Variants in OLFML2B observed in about 807,000 individuals in gnomAD.
OLFML2B encodes olfactomedin-like protein 2B.
Under a neutral mutation model 74.9 loss-of-function variants are expected in OLFML2B, and 57 were observed. That is an observed-to-expected ratio of 0.76 (90% CI 0.61 to 0.95). OLFML2B has a LOEUF of 0.95. Ranked by LOEUF, OLFML2B falls within the 40% of genes least tolerant of loss-of-function variation. OLFML2B has a pLI of 0.00. For synonymous variants in OLFML2B, 388 were observed against 405.8 expected (o/e 0.96, Z 0.53); for missense variants, 986 against 970.6 (o/e 1.02, Z -0.21).
intron 4 of OLFML2B, among the ~76,000 whole-genome samples, chr1:162,000,771 T>C (rs1467292397): frequency 6.6e-6 from 1 of 152,138 alleles, no homozygotes; most frequent in African/African-American, 2.4e-5. Flanking sequence ...GTGAGATCCA[T>C]GTGAGGGGAA....
intron 6 of OLFML2B, among the ~76,000 whole-genome samples, chr1:161,987,016 C>T (rs937859591): frequency 2.0e-5 from 3 of 152,222 alleles, no homozygotes; most frequent in Admixed American, 1.3e-4. Flanking sequence ...TGCAGGGTTC[C>T]GTCTCACACC....
intron 1 of OLFML2B, among the ~76,000 whole-genome samples, chr1:162,022,560 C>G (rs59345375): frequency 0.042 from 6,428 of 152,226 alleles, 427 homozygotes; most frequent in African/African-American, 0.15. Flanking sequence ...ACCCATGTAT[C>G]TCTTATGGTC....
intron 6 of OLFML2B, among the ~76,000 whole-genome samples, chr1:161,987,663 C>T (rs1174930643): frequency 6.6e-6 from 1 of 152,156 alleles, no homozygotes; most frequent in Non-Finnish European, 1.5e-5. Flanking sequence ...TTAGAGAGTA[C>T]ATTTCTGTTT....
In OLFML2B at chr1:161,984,099, G is replaced by A; in HGVS notation, c.1829C>T (p.Thr610Ile). The change falls in exon 8 of 8, where the codon ACC becomes ATC. Residue 610 changes from threonine (T) to isoleucine (I), a missense_variant. Transcript: ENST00000294794. Reference sequence around the variant, plus strand: ...TGAGTGGCCCTGCCATCGCCAGGGGGTGGCCTCCTCGTAGGCCACGTCATG... The same window carrying A: ...TGAGTGGCCCTGCCATCGCCAGGGGATGGCCTCCTCGTAGGCCACGTCATG... Reference protein sequence around the residue: ...MLHDVAYEEATPWRWQGHSDV... With the variant: ...MLHDVAYEEAIPWRWQGHSDV... The A allele has an allele frequency of 6.2e-7, 1 of 1,612,116 alleles. No individual in the cohort carries two copies.
At position 162,020,071 on chromosome 1, in the gene OLFML2B, C is replaced by T. The variant is rs760409022; in HGVS notation, c.286G>A (p.Ala96Thr). The T allele has an allele frequency of 4.3e-6, 7 of 1,614,148 alleles. No homozygotes were observed. Among genetic ancestry groups the T allele is most frequent in the South Asian group, 2.2e-5 (2 of 91,074 alleles). Residue 96 changes from alanine to threonine, a missense_variant, in exon 2 of 8, where the codon GCC becomes ACC. Ala to Thr is a moderately conservative substitution (Grantham distance 58). Coordinates refer to ENST00000294794, the MANE Select transcript of OLFML2B (RefSeq NM_015441.3). The stretch of plus-strand genomic sequence containing the variant: ...GTATAGAAGTCTTCCTTCCTGGAGG[C>T]CCCCGCATTGATCCTCTGGCAGGCA... The part of the protein sequence containing the change: ...RDACQRINAG[A>T]SRKEDFYTVE...
At chr1:162,016,631 C>T (rs1221193336) in intron 3 of OLFML2B, among the ~76,000 whole-genome samples, 1 of 152,182 alleles carries the variant, frequency 6.6e-6, no homozygotes, top group Non-Finnish European at 1.5e-5. Context: ...GAAACATATC[C>T]ATAAAGTTCC....
rs191379347 is a variant in OLFML2B at position 161,987,017 on chromosome 1, G to A, written c.1475-2037C>T. On this transcript the variant is annotated intron_variant, in intron 6 of 7. Coordinates refer to ENST00000294794, the MANE Select transcript of OLFML2B (RefSeq NM_015441.3). ...GCCCTGAAAATCCCTGCAGGGTTCC[G>A]TCTCACACCAAGGCTCTGCAGTGGC... 5.4e-4 allele frequency among the ~76,000 whole-genome samples: 82 copies of A among 152,340 alleles called. 1 individual carries two copies. Among genetic ancestry groups the A allele is most frequent in the Non-Finnish European group, 8.1e-4 (55 of 68,028 alleles).
At chr1:162,019,780 C>G in intron 2 of OLFML2B, 139 bp downstream of exon 2, 1 of 1,113,324 alleles carries the variant, frequency 9.0e-7, no homozygotes, top group Non-Finnish European at 1.3e-6. Flanking sequence ...AGGACATCAA[C>G]CTTGATCCAC....
chr1:161,983,400 T>C lies in OLFML2B; in HGVS notation c.*275A>G, dbSNP rs1325673811. On this transcript the variant is annotated 3_prime_UTR_variant, in exon 8 of 8. Coordinates refer to ENST00000294794, the MANE Select transcript of OLFML2B (RefSeq NM_015441.3). Reference sequence around the variant, plus strand: ...ATCTGAGACTTGGAGCTGGAGGGGCTGAAGGCTTGAAGGAAGGTGGTTACT... The same window carrying C: ...ATCTGAGACTTGGAGCTGGAGGGGCCGAAGGCTTGAAGGAAGGTGGTTACT... 1 of 279,742 alleles carries C rather than the reference T, an allele frequency of 3.6e-6. No individual in the cohort carries two copies. The highest frequency in any genetic ancestry group is 4.8e-5 in the Admixed American group (1 of 20,688). The allele number at this position is 279,742 out of a possible 1,614,324, so 17.3% of individuals were successfully genotyped here. A position where few individuals can be genotyped will look rare whatever the true frequency, so the allele number is the denominator to read the frequency against.
At chr1:161,994,684 C>A (rs1689838556) in intron 6 of OLFML2B, among the ~76,000 whole-genome samples, 1 of 152,226 alleles carries the variant, frequency 6.6e-6, no homozygotes, top group Non-Finnish European at 1.5e-5. Flanking sequence ...CAAACCCCAG[C>A]TCCAATTACT....
chr1:162,008,193 A>T (rs1258285250), intron 3 of OLFML2B, among the ~76,000 whole-genome samples: 2 of 152,216 alleles, frequency 1.3e-5, no homozygotes, highest in East Asian at 3.8e-4. Flanking sequence ...GGATAATACT[A>T]GCACTTTTCC....
intron 4 of OLFML2B, among the ~76,000 whole-genome samples, chr1:162,004,596 C>T (rs905188502): frequency 3.3e-5 from 5 of 152,128 alleles, no homozygotes; most frequent in Non-Finnish European, 5.9e-5. Flanking sequence ...CATGTGTGCC[C>T]AAGATCCCCA....
intron 3 of OLFML2B, among the ~76,000 whole-genome samples, chr1:162,014,870 G>T (rs565934583): frequency 6.6e-5 from 10 of 152,288 alleles, no homozygotes; most frequent in African/African-American, 2.4e-4. Context: ...GTTCTGCCTA[G>T]AAATTCCCCT....
intron 1 of OLFML2B, 60 bp downstream of exon 1, chr1:162,023,197 G>C (rs1290076801): frequency 7.0e-7 from 1 of 1,430,342 alleles, no homozygotes; most frequent in East Asian, 2.5e-5. Flanking sequence ...GCAAGGACCA[G>C]CTTCTGGCTC....
chr1:161,997,535 T>G (rs1689947184), intron 6 of OLFML2B, among the ~76,000 whole-genome samples: 1 of 152,232 alleles, frequency 6.6e-6, no homozygotes, highest in Admixed American at 6.5e-5. Context: ...GCCTAGTGTA[T>G]GGATAGCCCT....
chr1:161,991,737 A>G (rs116523693), intron 6 of OLFML2B, among the ~76,000 whole-genome samples: 2,713 of 152,310 alleles, frequency 0.018, 33 homozygotes, highest in Non-Finnish European at 0.028. Flanking sequence ...TTCTGTCTCA[A>G]ATAATAATTT....
intron 6 of OLFML2B, among the ~76,000 whole-genome samples, chr1:161,994,732 A>G (rs566960170): frequency 1.3e-5 from 2 of 152,152 alleles, no homozygotes; most frequent in Non-Finnish European, 2.9e-5. Flanking sequence ...GAGCTACACT[A>G]CGGCCAAATG....
intron 1 of OLFML2B, among the ~76,000 whole-genome samples, chr1:162,020,909 T>G (rs1185640733): frequency 3.3e-5 from 5 of 152,262 alleles, no homozygotes; most frequent in Non-Finnish European, 5.9e-5. Flanking sequence ...CTCTCATTCA[T>G]TTATTCAACA....
chr1:162,002,420 C>T (rs1690105789), intron 4 of OLFML2B, among the ~76,000 whole-genome samples: 1 of 152,222 alleles, frequency 6.6e-6, no homozygotes, highest in South Asian at 2.1e-4. Flanking sequence ...ACCTGTGTTC[C>T]TAGATGCCCA....
Sources: gnomAD v4.1 joint callset for allele counts (sites outside exome capture counted in the v4.1 genomes callset) on GRCh38, gnomAD v4.1.1 for gene constraint, MANE v1.5 for transcripts, NCBI Gene and HGNC (gene_info 2026-07-23, HGNC 2026-07-21) for gene names.